ITPR2: variants seen among roughly 807,000 people sequenced by gnomAD.
ITPR2 encodes the protein inositol 1,4,5-trisphosphate-gated calcium channel ITPR2.
ITPR2 carries 207 observed loss-of-function variants against 317.1 expected under a neutral mutation model. The observed-to-expected ratio is 0.65, with a 90% confidence interval of 0.58 to 0.73. The LOEUF is 0.73. Among genes scored for constraint, ITPR2 ranks in the 30% least tolerant of loss-of-function variants. The pLI is 0.00. For missense variants in ITPR2, 2,613 were observed against 3,284.0 expected (o/e 0.80, Z 4.99); for synonymous variants, 1,156 against 1,149.1 (o/e 1.01, Z -0.12).
chr12:26,496,147 T>C (rs1942926448), intron 37 of ITPR2, among the ~76,000 whole-genome samples: 1 of 152,218 alleles, frequency 6.6e-6, no homozygotes. Context: ...AATACTTGTT[T>C]AAACTATTTA....
chr12:26,563,037 C>A (rs147985802), intron 34 of ITPR2, among the ~76,000 whole-genome samples: 34 of 151,054 alleles, frequency 2.3e-4, no homozygotes, highest in African/African-American at 7.1e-4. Context: ...TCAATGACAA[C>A]GGATTAAAAA....
At position 26,550,285 on chromosome 12, in the gene ITPR2, G is replaced by A. The variant is rs1412524372; in HGVS notation, c.5035C>T (p.Arg1679Ter). 5.2e-6 allele frequency: 8 copies of A among 1,536,586 alleles called. No individual in the cohort carries two copies. The Admixed American group carries it at 5.2e-5, about 10-fold the overall frequency. The change falls in exon 37 of 57, where the codon CGA (arginine) becomes TGA (stop). Residue 1679 changes from arginine to a stop codon, truncating the protein, a stop_gained. Coordinates refer to ENST00000381340, the MANE Select transcript of ITPR2 (RefSeq NM_002223.4). LOFTEE classifies it high-confidence loss of function. ...KLCIKILQTL[R>*]EMLEKKDSFV... ...CTGTCTTTCTTCTCTAACATTTCTC[G>A]TAATGTCTGAAGAATTTTAATGCAC...
intron 36 of ITPR2, among the ~76,000 whole-genome samples, chr12:26,554,047 A>C (rs1362687742): frequency 1.3e-5 from 2 of 152,052 alleles, no homozygotes; most frequent in African/African-American, 4.8e-5. Flanking sequence ...TTATCACATC[A>C]CTTCTGCTTC....
intron 1 of ITPR2, among the ~76,000 whole-genome samples, chr12:26,808,808 A>T (rs1005907759): frequency 2.6e-5 from 4 of 152,224 alleles, no homozygotes; most frequent in Non-Finnish European, 4.4e-5. Flanking sequence ...TGATTATGGA[A>T]ATTCTGATCT....
intron 2 of ITPR2, among the ~76,000 whole-genome samples, chr12:26,770,643 A>G (rs551566502): frequency 2.0e-5 from 3 of 152,318 alleles, no homozygotes; most frequent in African/African-American, 7.2e-5. Context: ...ATGAGATATG[A>G]TAGAGAATGT....
intron 10 of ITPR2, among the ~76,000 whole-genome samples, chr12:26,688,823 G>A (rs1048675743): frequency 1.3e-5 from 2 of 152,064 alleles, no homozygotes; most frequent in Non-Finnish European, 2.9e-5. Context: ...CCACTTTCAC[G>A]GTGATTTGCA....
chr12:26,631,624 A>T (rs1946753711), intron 22 of ITPR2, among the ~76,000 whole-genome samples: 1 of 152,168 alleles, frequency 6.6e-6, no homozygotes, highest in African/African-American at 2.4e-5. Flanking sequence ...TCAACCTCAA[A>T]GCACCCCACA....
intron 46 of ITPR2, among the ~76,000 whole-genome samples, chr12:26,441,148 A>G (rs1230327950): frequency 6.6e-6 from 1 of 152,148 alleles, no homozygotes. Flanking sequence ...TTAACTCTTC[A>G]TTTTAAAAAA....
intron 2 of ITPR2, among the ~76,000 whole-genome samples, chr12:26,785,313 C>T (rs1364135591): frequency 4.7e-5 from 2 of 42,164 alleles, no homozygotes; most frequent in Admixed American, 3.2e-4. Flanking sequence ...TGGGGGTCAG[C>T]CCCCCGCCCG....
intron 9 of ITPR2, among the ~76,000 whole-genome samples, chr12:26,706,275 G>A (rs930763759): frequency 6.6e-6 from 1 of 152,146 alleles, no homozygotes; most frequent in African/African-American, 2.4e-5. Flanking sequence ...ATATTACACA[G>A]TACAACTCTG....
chr12:26,682,099 A>G (rs1948044554), intron 12 of ITPR2, 65 bp from the exon 13 acceptor site: 2 of 1,260,212 alleles, frequency 1.6e-6, no homozygotes, highest in Non-Finnish European at 2.3e-6. Context: ...GAAGACTAAC[A>G]CATCTAGTAC....
intron 37 of ITPR2, among the ~76,000 whole-genome samples, chr12:26,519,044 T>C (rs1244095443): frequency 1.3e-5 from 2 of 152,116 alleles, no homozygotes; most frequent in Admixed American, 1.3e-4. Flanking sequence ...AAGGAAATTG[T>C]CAAAGAGCAA....
intron 47 of ITPR2, among the ~76,000 whole-genome samples, chr12:26,436,600 A>G (rs997237461): frequency 1.2e-4 from 19 of 152,224 alleles, no homozygotes; most frequent in African/African-American, 4.6e-4. Context: ...GAATTTTGCA[A>G]TTGCTAAAGG....
intron 51 of ITPR2, among the ~76,000 whole-genome samples, chr12:26,413,450 T>C (rs1483341977): frequency 6.6e-6 from 1 of 152,210 alleles, no homozygotes; most frequent in African/African-American, 2.4e-5. Flanking sequence ...TCAATATACA[T>C]AGTCAACTTT....
chr12:26,457,862 T>C (rs1941929311), intron 45 of ITPR2, among the ~76,000 whole-genome samples: 1 of 152,176 alleles, frequency 6.6e-6, no homozygotes, highest in Non-Finnish European at 1.5e-5. Context: ...TTTATGAATA[T>C]TTACCTCAGA....
chr12:26,362,543 C>G (rs1297398340), intron 55 of ITPR2, among the ~76,000 whole-genome samples: 1 of 152,172 alleles, frequency 6.6e-6, no homozygotes, highest in South Asian at 2.1e-4. Flanking sequence ...CTCACTGCTA[C>G]TTTCAGTTAG....
At chr12:26,638,909 T>C (rs1404139747) in intron 21 of ITPR2, among the ~76,000 whole-genome samples, 1 of 152,202 alleles carries the variant, frequency 6.6e-6, no homozygotes, top group African/African-American at 2.4e-5. Context: ...GAAAATGTGA[T>C]GTAAAAGAAA....
chr12:26,550,433 G>GA (rs1280898568), intron 36 of ITPR2, 78 bp from the exon 37 acceptor site: 5 of 673,626 alleles, frequency 7.4e-6, no homozygotes, highest in African/African-American at 3.8e-5. Flanking sequence ...GGCCATAGGG[G>GA]AAAAAATTTA....
At chr12:26,670,380 C>G (rs573217058) in intron 13 of ITPR2, among the ~76,000 whole-genome samples, 1 of 152,282 alleles carries the variant, frequency 6.6e-6, no homozygotes, top group African/African-American at 2.4e-5. Flanking sequence ...GACAGCAGCA[C>G]TCACGGTTCA....
Sources: allele counts gnomAD v4.1 joint callset (sites outside exome capture counted in the v4.1 genomes callset), GRCh38; gene constraint gnomAD v4.1.1; transcripts MANE v1.5; gene names NCBI Gene and HGNC (gene_info 2026-07-23, HGNC 2026-07-21).